Variants in KCTD2 observed in about 807,000 individuals in gnomAD.
KCTD2 encodes BTB/POZ domain-containing protein KCTD2.
A neutral mutation model predicts 27.9 loss-of-function variants in KCTD2; 18 were observed. That is an observed-to-expected ratio of 0.64 (90% confidence interval 0.45 to 0.96). The LOEUF (loss-of-function observed/expected upper bound fraction) is 0.96. KCTD2 is among the 40% of genes least tolerant of loss of function. The probability of loss-of-function intolerance (pLI) is 0.00; values close to 1 mark genes in which losing one functional copy is unlikely to be tolerated. For synonymous variants in KCTD2, 175 were observed against 148.4 expected (o/e 1.18, Z -1.30); for missense variants, 280 against 348.0 (o/e 0.80, Z 1.56).
At chr17:75,050,450 A>G (rs1326103907) in intron 2 of KCTD2, among the ~76,000 whole-genome samples, 2 of 151,954 alleles carry the variant, frequency 1.3e-5, no homozygotes, top group African/African-American at 4.8e-5. Context: ...TTTAGTAGAG[A>G]CAGGGTTTCA....
chr17:75,062,362 C>T, intron 5 of KCTD2, 117 bp downstream of exon 5: 1 of 964,248 alleles, frequency 1.0e-6, no homozygotes. Flanking sequence ...GCCAGCGTTG[C>T]ATTTTCCCCT....
At position 75,053,058 on chromosome 17, in the gene KCTD2, CG is replaced by C; in HGVS notation, c.495del (p.Leu166TrpfsTer18). ...GTTTTACAACATCGCGTCCCTTGTG[CG>C]GCTGGTTAAGGAAAGGATACGGGAC... ...AEFYNIASLV[R>X]LVKERIRDNE... On this transcript the variant is annotated frameshift_variant, in exon 3 of 6. Transcript: ENST00000322444. LOFTEE classifies it high-confidence loss of function. The C allele has an allele frequency of 6.2e-7, 1 of 1,613,960 alleles. No individual in the cohort carries two copies. Among genetic ancestry groups the C allele is most frequent in the South Asian group, 1.1e-5 (1 of 91,088 alleles).
rs1478275788 is a variant in KCTD2 at position 75,065,430 on chromosome 17, A to T, written c.*2383A>T. 1 of 152,130 alleles carries T rather than the reference A, an allele frequency of 6.6e-6. No individual in the cohort carries two copies. Among genetic ancestry groups the T allele is most frequent in the Non-Finnish European group, 1.5e-5 (1 of 68,046 alleles). The allele number at this position is 152,130 out of a possible 1,614,324, so 9.4% of individuals were successfully genotyped here. On this transcript the variant is annotated 3_prime_UTR_variant, in exon 6 of 6. Transcript: ENST00000322444. The stretch of plus-strand genomic sequence containing the variant: ...CGTGGCAGTTTGGGGCTGTCACGTG[A>T]CCAGTGACCCACACTCTCTGCTGCC...
intron 3 of KCTD2, among the ~76,000 whole-genome samples, chr17:75,058,030 T>C (rs2073366698): frequency 6.6e-6 from 1 of 151,426 alleles, no homozygotes; most frequent in Non-Finnish European, 1.5e-5. Flanking sequence ...CCACTAAAAA[T>C]CCAAAAAAAT....
intron 3 of KCTD2, chr17:75,038,857 C>T (rs1242394356): frequency 1.3e-6 from 2 of 1,497,310 alleles, no homozygotes; most frequent in Non-Finnish European, 1.8e-6. Flanking sequence ...GAAGCACACC[C>T]AGAACTGTAT....
intron 3 of KCTD2, among the ~76,000 whole-genome samples, chr17:75,056,544 C>T (rs556193177): frequency 1.3e-5 from 2 of 152,296 alleles, no homozygotes; most frequent in South Asian, 4.1e-4. Flanking sequence ...CTTCTAGATT[C>T]TGAAGGCTTG....
At chr17:75,061,855 G>A (rs1258243990) in intron 4 of KCTD2, among the ~76,000 whole-genome samples, 1 of 151,710 alleles carries the variant, frequency 6.6e-6, no homozygotes, top group African/African-American at 2.4e-5. Flanking sequence ...TGTTAATCCT[G>A]CCGCTGACGG....
At chr17:75,045,459 T>C (rs1458944218), upstream of KCTD2, among the ~76,000 whole-genome samples, 1 of 152,222 alleles carries the variant, frequency 6.6e-6, no homozygotes, top group African/African-American at 2.4e-5. Context: ...GACTGGAGTT[T>C]ATTTCACCCC....
At chr17:75,059,659 T>C in intron 4 of KCTD2, 54 bp downstream of exon 4, 1 of 1,383,508 alleles carries the variant, frequency 7.2e-7, no homozygotes, top group African/African-American at 1.4e-5. Flanking sequence ...GGTCTGCAGC[T>C]CTTCAAACAA....
rs1159028130 is a variant in KCTD2 at position 75,065,802 on chromosome 17, C to T, written c.*2755C>T. The T allele has an allele frequency of 6.6e-6, 1 of 152,204 alleles. No individual in the cohort carries two copies. Among genetic ancestry groups the T allele is most frequent in the Non-Finnish European group, 1.5e-5 (1 of 68,054 alleles). 9.4% of individuals were successfully genotyped at this position (152,204 alleles called of 1,614,324 possible). The stretch of plus-strand genomic sequence containing the variant: ...GACGAGGCTGTCACTGGTGGGCACC[C>T]TCTGTTCCTGTTTGTGTGTTTGAAT... On this transcript the variant is annotated 3_prime_UTR_variant, in exon 6 of 6. Coordinates refer to ENST00000322444, the MANE Select transcript of KCTD2 (RefSeq NM_015353.3).
At chr17:75,042,287 A>C, upstream of KCTD2, 2 of 1,613,322 alleles carry the variant, frequency 1.2e-6, no homozygotes, top group Non-Finnish European at 1.7e-6. Flanking sequence ...CCTGCCCACA[A>C]GGAAAGGCAA....
At position 75,063,379 on chromosome 17, in the gene KCTD2, T is replaced by G; in HGVS notation, c.*332T>G. 1 of 359,654 alleles carries G rather than the reference T, an allele frequency of 2.8e-6. No homozygotes were observed. Among genetic ancestry groups the G allele is most frequent in the East Asian group, 5.5e-5 (1 of 18,200 alleles). 22.3% of individuals were successfully genotyped at this position (359,654 alleles called of 1,614,324 possible). On this transcript the variant is annotated 3_prime_UTR_variant, in exon 6 of 6. Transcript: ENST00000322444. The stretch of plus-strand genomic sequence containing the variant: ...GGGGGATGAGGGCGGAAGGCCTAGC[T>G]CCTTGGAAATGGCCTGTACTTTAAG...
chr17:75,040,513 C>G, intron 3 of KCTD2: 1 of 284,138 alleles, frequency 3.5e-6, no homozygotes. Context: ...TAAAGAAATT[C>G]TGATTTCTCT....
At chr17:75,056,973 GAGACA>G (rs2073357000) in intron 3 of KCTD2, among the ~76,000 whole-genome samples, 1 of 69,628 alleles carries the variant, frequency 1.4e-5, no homozygotes, top group Admixed American at 1.9e-4. Flanking sequence ...TTTTTTTTTG[GAGACA>G]GAGTCTCGCT....
At chr17:75,062,823 C>G (rs1211548762) in intron 5 of KCTD2, among the ~76,000 whole-genome samples, 195 bp from the exon 6 acceptor site, 1 of 151,796 alleles carries the variant, frequency 6.6e-6, no homozygotes, top group Non-Finnish European at 1.5e-5. Context: ...AGCATATAAG[C>G]TTTAGACCCA....
chr17:75,044,287 A>G (rs62086356), upstream of KCTD2, among the ~76,000 whole-genome samples: 3 of 106,440 alleles, frequency 2.8e-5, no homozygotes, highest in Non-Finnish European at 4.9e-5. Flanking sequence ...CTCACTGCAA[A>G]CTCCGCTTCC....
chr17:75,033,075 ACTT>A (rs1403680972), intron 1 of KCTD2: 10 of 152,154 alleles, frequency 6.6e-5, no homozygotes, highest in South Asian at 2.1e-4. Context: ...CCTTGGCTGA[ACTT>A]CTTCTGTTAA....
At chr17:75,054,697 C>T (rs1185263001) in intron 3 of KCTD2, among the ~76,000 whole-genome samples, 7 of 151,902 alleles carry the variant, frequency 4.6e-5, no homozygotes, top group Non-Finnish European at 1.0e-4. Context: ...GTCCCAGCTG[C>T]TCGGGAGGCT....
At chr17:75,034,490 T>C (rs993112540) in intron 2 of KCTD2, among the ~76,000 whole-genome samples, 1 of 152,196 alleles carries the variant, frequency 6.6e-6, no homozygotes, top group Non-Finnish European at 1.5e-5. Flanking sequence ...CCTTATCCAT[T>C]AGGCCACTGG....
Sources: gnomAD v4.1 joint callset for allele counts (sites outside exome capture counted in the v4.1 genomes callset) on GRCh38, gnomAD v4.1.1 for gene constraint, MANE v1.5 for transcripts, NCBI Gene and HGNC (gene_info 2026-07-23, HGNC 2026-07-21) for gene names.